PCDHGA5: variants seen among roughly 807,000 people sequenced by gnomAD.
The protein encoded by PCDHGA5 is protocadherin gamma subfamily A, 5.
Under a neutral mutation model 56.7 loss-of-function variants are expected in PCDHGA5, and 36 were observed. The ratio of observed to expected loss-of-function variants is 0.64; its 90% confidence interval spans 0.49 to 0.84. The LOEUF is 0.84. PCDHGA5 is among the 40% of genes least tolerant of loss of function. The pLI, the probability that PCDHGA5 is intolerant of heterozygous loss-of-function variation, is 0.00. For missense variants in PCDHGA5, 1,305 were observed against 1,201.5 expected (o/e 1.09, Z -1.27); for synonymous variants, 563 against 520.2 (o/e 1.08, Z -1.12).
intron 1 of PCDHGA5, chr5:141,387,785 G>A: frequency 6.8e-7 from 1 of 1,472,108 alleles, no homozygotes; most frequent in Non-Finnish European, 9.1e-7. Flanking sequence ...AACTGGAACT[G>A]CAACTAAAGT....
At chr5:141,383,386 G>A in intron 1 of PCDHGA5, 1 of 1,614,000 alleles carries the variant, frequency 6.2e-7, no homozygotes. Context: ...TCCAGATGTG[G>A]GCACGAACTC....
At chr5:141,371,659 T>A (rs762117464) in intron 1 of PCDHGA5, 4 of 1,613,850 alleles carry the variant, frequency 2.5e-6, no homozygotes. Flanking sequence ...AATGTGACGA[T>A]CACAGCTACC....
chr5:141,477,260 G>A lies in PCDHGA5; in HGVS notation c.2422-17547G>A. On this transcript the variant is annotated intron_variant, in intron 1 of 3. Coordinates refer to ENST00000518069, the MANE Select transcript of PCDHGA5 (RefSeq NM_018918.3). This position sits in a 1 kb window ranked among gnomAD's most constrained non-coding sequence, Gnocchi z 4.9. ...GCTCAGTGTGACTGACCTGGATGCTGGCGAGAACGGGCTGGTGACCTGCGA... is the reference window on the plus strand; with the variant it reads ...GCTCAGTGTGACTGACCTGGATGCTAGCGAGAACGGGCTGGTGACCTGCGA... 6.2e-7 allele frequency: 1 copy of A among 1,614,200 alleles called. No homozygotes were observed. Among genetic ancestry groups the A allele is most frequent in the Non-Finnish European group, 8.5e-7 (1 of 1,180,048 alleles).
rs779981011 is a variant in PCDHGA5 at position 141,395,287 on chromosome 5, G to T, written c.2421+28536G>T. 11 of 1,533,118 alleles carry T rather than the reference G, an allele frequency of 7.2e-6. No homozygotes were observed. The South Asian group carries it at 1.3e-4, about 18-fold the overall frequency. 95.0% of individuals were successfully genotyped at this position (1,533,118 alleles called of 1,614,324 possible). A position where few individuals can be genotyped will look rare whatever the true frequency, so the allele number is the denominator to read the frequency against. On this transcript the variant is annotated intron_variant, in intron 1 of 3. Transcript: ENST00000518069. ...TTAATTTCCAGATGAATTTTATTTG[G>T]CATAAATTATGTTTTGAAAAACATT...
At chr5:141,398,328 C>G in intron 1 of PCDHGA5, 7 of 1,353,010 alleles carry the variant, frequency 5.2e-6, no homozygotes, top group Non-Finnish European at 7.2e-6. Context: ...GAAAACTGCG[C>G]GTCAGTTCGG....
At chr5:141,498,419 G>A (rs78940285) in intron 2 of PCDHGA5, among the ~76,000 whole-genome samples, 4,023 of 152,260 alleles carry the variant, frequency 0.026, 75 homozygotes, top group Non-Finnish European at 0.043. Flanking sequence ...TGCTGGCACT[G>A]GAGTGAGGGG....
chr5:141,374,885 G>C, intron 1 of PCDHGA5: 1 of 1,613,634 alleles, frequency 6.2e-7, no homozygotes, highest in Non-Finnish European at 8.5e-7. Flanking sequence ...GACTGCCACC[G>C]ACCAGGATGA....
intron 1 of PCDHGA5, among the ~76,000 whole-genome samples, chr5:141,435,921 C>T (rs767290430): frequency 1.3e-5 from 2 of 152,186 alleles, no homozygotes; most frequent in Admixed American, 6.5e-5. Context: ...CTCTAAAATG[C>T]GGCAGTTGCT....
chr5:141,421,592 T>C (rs1590304832), intron 1 of PCDHGA5: 1 of 1,613,272 alleles, frequency 6.2e-7, no homozygotes, highest in Non-Finnish European at 8.5e-7. Context: ...GGAGTGGAGG[T>C]GGAAATAATA....
At chr5:141,417,452 C>A in intron 1 of PCDHGA5, 1 of 173,536 alleles carries the variant, frequency 5.8e-6, no homozygotes, top group Non-Finnish European at 1.2e-5. Flanking sequence ...ATAGTTATGA[C>A]CAAGTGGAAA....
At position 141,489,590 on chromosome 5, in the gene PCDHGA5, T is replaced by C; in HGVS notation, c.2422-5217T>C. The C allele has an allele frequency of 6.2e-7, 1 of 1,614,044 alleles. No homozygotes were observed. Among genetic ancestry groups the C allele is most frequent in the Non-Finnish European group, 8.5e-7 (1 of 1,179,984 alleles). ...GTGACTGAACACCCCCTGGAGCTAA[T>C]CCGTGTAGAGGTAGAGATCCTGGAT... On this transcript the variant is annotated intron_variant, in intron 1 of 3. Transcript: ENST00000518069. The surrounding 1 kb of genome is among the most constrained non-coding windows in gnomAD (Gnocchi z 4.5).
chr5:141,400,175 A>G (rs374505357), intron 1 of PCDHGA5: 1 of 1,613,918 alleles, frequency 6.2e-7, no homozygotes, highest in Non-Finnish European at 8.5e-7. Flanking sequence ...CCCCAGGCTG[A>G]GCTGCAGTTT....
intron 1 of PCDHGA5, chr5:141,422,833 C>G (rs2096676817): frequency 6.2e-7 from 1 of 1,614,106 alleles, no homozygotes; most frequent in African/African-American, 1.3e-5. Flanking sequence ...AGTGATAGCA[C>G]GTGACAGCGG....
At chr5:141,502,216 A>G (rs957759583) in intron 2 of PCDHGA5, among the ~76,000 whole-genome samples, 3 of 152,334 alleles carry the variant, frequency 2.0e-5, no homozygotes, top group Admixed American at 6.5e-5. Context: ...GCAGATTTTC[A>G]TAAATGTTCT....
intron 1 of PCDHGA5, chr5:141,417,742 G>A: frequency 7.0e-7 from 1 of 1,418,808 alleles, no homozygotes. Flanking sequence ...CAGCACACCA[G>A]ATTGCCAGCT....
chr5:141,409,900 T>G (rs756245078), intron 1 of PCDHGA5: 1 of 1,613,144 alleles, frequency 6.2e-7, no homozygotes, highest in Non-Finnish European at 8.5e-7. Flanking sequence ...TGTACCCAGC[T>G]CTGGGTCCTG....
chr5:141,457,023 A>G (rs1339517071), intron 1 of PCDHGA5, among the ~76,000 whole-genome samples: 1 of 152,228 alleles, frequency 6.6e-6, no homozygotes, highest in Non-Finnish European at 1.5e-5. Flanking sequence ...AAAAAGTCCT[A>G]GTAGACTCAG....
rs369323252 is a variant in PCDHGA5 at position 141,487,658 on chromosome 5, G to T, written c.2422-7149G>T. ...TCAACAAATGCTTGAGGGTTATTCT[G>T]ATCCAGGCATATGGCTAGGCCATGT... On this transcript the variant is annotated intron_variant, in intron 1 of 3. Coordinates refer to ENST00000518069, the MANE Select transcript of PCDHGA5 (RefSeq NM_018918.3). This position sits in a 1 kb window ranked among gnomAD's most constrained non-coding sequence, Gnocchi z 5.0. The T allele has an allele frequency of 8.7e-5, 140 of 1,613,508 alleles. No individual in the cohort carries two copies. The highest frequency in any genetic ancestry group is 1.1e-4 in the Non-Finnish European group (134 of 1,179,802).
At chr5:141,399,483 CTACT>C in intron 1 of PCDHGA5, 2 of 1,614,048 alleles carry the variant, frequency 1.2e-6, no homozygotes, top group Non-Finnish European at 8.5e-7. Context: ...ACCAGGCGTC[CTACT>C]TAGTCAGTGT....
Sources: allele counts gnomAD v4.1 joint callset (sites outside exome capture counted in the v4.1 genomes callset), GRCh38; gene constraint gnomAD v4.1.1; non-coding constraint Gnocchi (gnomAD v3.1); transcripts MANE v1.5; gene names NCBI Gene and HGNC (gene_info 2026-07-23, HGNC 2026-07-21).